The following TAB2 variants were observed in gnomAD, a reference collection of about 807,000 sequenced individuals.
TAB2 encodes TGF-beta activated kinase 1 (MAP3K7) binding protein 2.
A neutral mutation model predicts 65.0 loss-of-function variants in TAB2; 3 were observed. That is an observed-to-expected ratio of 0.05 (90% confidence interval 0.02 to 0.12). The LOEUF is 0.12. Ranked by LOEUF, TAB2 falls within the 10% of genes least tolerant of loss-of-function variation. The pLI, the probability that TAB2 is intolerant of heterozygous loss-of-function variation, is 1.00. For synonymous variants in TAB2, 298 were observed against 285.1 expected (o/e 1.05, Z -0.46); for missense variants, 623 against 840.3 (o/e 0.74, Z 3.20).
chr6:149,353,774 AT>A, intron 1 of TAB2, among the ~76,000 whole-genome samples: 1 of 152,330 alleles, frequency 6.6e-6, no homozygotes, highest in Middle Eastern at 3.4e-3. Flanking sequence ...TATTGACCTG[AT>A]GGACTGTTAT....
At chr6:149,382,159 C>T (rs2114898415) in intron 3 of TAB2, among the ~76,000 whole-genome samples, 1 of 152,282 alleles carries the variant, frequency 6.6e-6, no homozygotes, top group Non-Finnish European at 1.5e-5. Context: ...TGTGTTCCAG[C>T]CCTCCTGGCC....
chr6:149,297,740 C>A lies in TAB2; in HGVS notation c.-121+78964C>A, dbSNP rs534784713. On this transcript the variant is annotated intron_variant, in intron 1 of 1. Coordinates refer to the TAB2 transcript ENST00000606202. ...TAGAGACAGGGTCTCACTATGTTGC[C>A]CAGGCTGATCTCGAACTCCTGGCCT... Among the ~76,000 whole-genome samples the A allele has an allele frequency of 2.3e-3, 351 of 152,154 alleles. 1 individual carries two copies. The highest frequency in any genetic ancestry group is 8.1e-3 in the African/African-American group (335 of 41,522).
intron 1 of TAB2, among the ~76,000 whole-genome samples, chr6:149,338,490 A>G (rs554494306): frequency 6.6e-6 from 1 of 152,222 alleles, no homozygotes; most frequent in African/African-American, 2.4e-5. Context: ...TTCACTTTGC[A>G]GGCTGAAAAG....
intron 3 of TAB2, among the ~76,000 whole-genome samples, chr6:149,394,644 G>A (rs920187786): frequency 2.6e-5 from 4 of 152,142 alleles, no homozygotes; most frequent in African/African-American, 9.7e-5. Context: ...CTGGGTTTGG[G>A]TTTTGTTGTT....
chr6:149,343,289 C>T (rs151042081), intron 1 of TAB2, among the ~76,000 whole-genome samples: 92 of 150,122 alleles, frequency 6.1e-4, no homozygotes, highest in South Asian at 4.6e-3. Context: ...TCATACATGG[C>T]GAAACCCCGC....
At chr6:149,303,520 C>T (rs1779005902) in intron 1 of TAB2, among the ~76,000 whole-genome samples, 1 of 152,076 alleles carries the variant, frequency 6.6e-6, no homozygotes, top group Admixed American at 6.6e-5. Context: ...TATAAACATA[C>T]ATAAATCTAT....
At chr6:149,262,813 A>C (rs930257636) in intron 1 of TAB2, among the ~76,000 whole-genome samples, 2 of 150,784 alleles carry the variant, frequency 1.3e-5, no homozygotes, top group Non-Finnish European at 1.5e-5. Flanking sequence ...TCTTTTTTTT[A>C]TTTTTTTATT....
At chr6:149,392,660 T>G (rs1782030328) in intron 3 of TAB2, among the ~76,000 whole-genome samples, 2 of 152,242 alleles carry the variant, frequency 1.3e-5, no homozygotes, top group Admixed American at 6.5e-5. Context: ...TGTCATTTCA[T>G]CTGCTTCTAG....
At chr6:149,348,514 GGA>G (rs1780377118) in intron 1 of TAB2, among the ~76,000 whole-genome samples, 1 of 151,980 alleles carries the variant, frequency 6.6e-6, no homozygotes, top group South Asian at 2.1e-4. Flanking sequence ...TTGGCATCCT[GGA>G]GAGGTTAATG....
intron 1 of TAB2, among the ~76,000 whole-genome samples, chr6:149,300,401 G>C (rs1457070517): frequency 6.6e-6 from 1 of 152,168 alleles, no homozygotes; most frequent in Non-Finnish European, 1.5e-5. Flanking sequence ...CAATAACTCT[G>C]ACCTTGAGCA....
At chr6:149,335,190 G>A (rs892330742) in intron 1 of TAB2, among the ~76,000 whole-genome samples, 3 of 151,664 alleles carry the variant, frequency 2.0e-5, no homozygotes, top group African/African-American at 4.8e-5. Flanking sequence ...CTTTTGGTCC[G>A]TTTCCCCAGG....
At chr6:149,252,690 C>T (rs1291459949) in intron 1 of TAB2, among the ~76,000 whole-genome samples, 4 of 152,134 alleles carry the variant, frequency 2.6e-5, no homozygotes, top group Non-Finnish European at 5.9e-5. Flanking sequence ...CAAGTATTTG[C>T]TCGTCTCACC....
chr6:149,397,483 A>G (rs1782212302), intron 3 of TAB2, 121 bp from the exon 4 acceptor site: 1 of 1,151,964 alleles, frequency 8.7e-7, no homozygotes, highest in African/African-American at 1.5e-5. Flanking sequence ...CTAAACTTAC[A>G]ATATTTTGTT....
In TAB2 at chr6:149,224,328, T is replaced by G. The variant is rs189030507; in HGVS notation, c.-121+5552T>G. On this transcript the variant is annotated intron_variant, in intron 1 of 1. Coordinates refer to the TAB2 transcript ENST00000606202. ...TTTGGAAGATAGCCAAAGCCTCCCTTTTTAGAAGAGGAGGAACTTTTTAGC... is the reference window on the plus strand; with the variant it reads ...TTTGGAAGATAGCCAAAGCCTCCCTGTTTAGAAGAGGAGGAACTTTTTAGC... Among the ~76,000 whole-genome samples, 8 of 152,336 alleles carry G rather than the reference T, an allele frequency of 5.3e-5. No homozygotes were observed. In the East Asian group the frequency reaches 1.2e-3, roughly 22 times the overall value.
At position 149,248,452 on chromosome 6, in the gene TAB2, A is replaced by AAGGAAGG. The variant is rs1562387099; in HGVS notation, c.-121+29677_-121+29678insGGAAGGA. Among the ~76,000 whole-genome samples, 44 of 54,754 alleles carry AAGGAAGG rather than the reference A, an allele frequency of 8.0e-4. 1 individual carries two copies. The highest frequency in any genetic ancestry group is 2.1e-3 in the African/African-American group (40 of 18,696). 35.9% of individuals were successfully genotyped at this position (54,754 alleles called of 152,430 possible). ...GAAAGGAAGGAAGGAAGGAAGGAAG[A>AAGGAAGG]AAAGAAGGAAGGAAGGAAAGAAAGA... is the stretch of plus-strand genomic sequence containing the variant. On this transcript the variant is annotated intron_variant, in intron 1 of 1. Coordinates refer to the TAB2 transcript ENST00000606202.
At chr6:149,354,493 A>G (rs1780591661) in intron 1 of TAB2, among the ~76,000 whole-genome samples, 1 of 152,174 alleles carries the variant, frequency 6.6e-6, no homozygotes, top group Admixed American at 6.5e-5. Flanking sequence ...CTTTTTATTG[A>G]ATATTTTTTA....
At chr6:149,371,292 G>A (rs375745511) in intron 2 of TAB2, among the ~76,000 whole-genome samples, 1 of 152,032 alleles carries the variant, frequency 6.6e-6, no homozygotes, top group East Asian at 1.9e-4. Flanking sequence ...TTCTGCCAGA[G>A]TGCAGAGCTG....
chr6:149,405,528 C>T (rs1279049601), intron 6 of TAB2, among the ~76,000 whole-genome samples: 1 of 151,928 alleles, frequency 6.6e-6, no homozygotes, highest in East Asian at 1.9e-4. Context: ...ATAAAGAAAA[C>T]GTGAGAGATA....
chr6:149,360,605 G>A (rs2114832657), intron 1 of TAB2, among the ~76,000 whole-genome samples: 1 of 152,288 alleles, frequency 6.6e-6, no homozygotes, highest in African/African-American at 2.4e-5. Context: ...AGAGAAGACA[G>A]CATCCAAACT....
Sources: allele counts gnomAD v4.1 joint callset (sites outside exome capture counted in the v4.1 genomes callset), GRCh38; gene constraint gnomAD v4.1.1; transcripts MANE v1.5; gene names NCBI Gene and HGNC (gene_info 2026-07-23, HGNC 2026-07-21).